Variants in PRKAG2 observed in about 807,000 individuals in gnomAD.
PRKAG2 encodes 5'-AMP-activated protein kinase subunit gamma-2.
Under a neutral mutation model 69.6 loss-of-function variants are expected in PRKAG2, and 26 were observed. That is an observed-to-expected ratio of 0.37 (90% CI 0.27 to 0.52). The LOEUF (loss-of-function observed/expected upper bound fraction) is 0.52, where lower values mean the gene tolerates loss of function less well. Among genes scored for constraint, PRKAG2 ranks in the 20% least tolerant of loss-of-function variants. The pLI is 0.90. For synonymous variants in PRKAG2, 293 were observed against 285.0 expected, an observed-to-expected ratio of 1.03 and a Z score of -0.28; for missense variants, 557 against 740.0, an observed-to-expected ratio of 0.75 and a Z score of 2.87.
intron 1 of PRKAG2, among the ~76,000 whole-genome samples, chr7:151,855,034 C>A (rs1217747110): frequency 1.8e-5 from 1 of 54,648 alleles, no homozygotes; most frequent in Non-Finnish European, 3.7e-5. Flanking sequence ...ACACCATGCT[C>A]CACACACACC....
chr7:151,793,759 G>A (rs370774998), intron 1 of PRKAG2, among the ~76,000 whole-genome samples: 288 of 152,312 alleles, frequency 1.9e-3, no homozygotes, highest in Non-Finnish European at 3.3e-3. Context: ...ACCACCAAAC[G>A]GGCAATTCTT....
At chr7:151,806,763 C>A in intron 1 of PRKAG2, 1 of 335,614 alleles carries the variant, frequency 3.0e-6, no homozygotes, top group Non-Finnish European at 5.8e-6. Flanking sequence ...CTCAGGAGCT[C>A]AAGACCAGCC....
chr7:151,656,866 G>A (rs1476245533), intron 4 of PRKAG2, among the ~76,000 whole-genome samples: 3 of 152,190 alleles, frequency 2.0e-5, no homozygotes, highest in Non-Finnish European at 4.4e-5. Flanking sequence ...GCCAGGCTCG[G>A]TGGCTCACGC....
intron 1 of PRKAG2, among the ~76,000 whole-genome samples, chr7:151,816,354 T>C (rs2078640547): frequency 6.6e-6 from 1 of 152,128 alleles, no homozygotes; most frequent in Non-Finnish European, 1.5e-5. Context: ...GTCCGTAGAA[T>C]GAGCCATGTG....
intron 4 of PRKAG2, among the ~76,000 whole-genome samples, chr7:151,645,777 C>A (rs2151380380): frequency 6.6e-6 from 1 of 152,280 alleles, no homozygotes; most frequent in Middle Eastern, 3.4e-3. Flanking sequence ...GAAATCTTTG[C>A]CTCCTCTTCT....
intron 3 of PRKAG2, among the ~76,000 whole-genome samples, chr7:151,715,635 C>T (rs7794875): frequency 0.046 from 6,993 of 152,212 alleles, 284 homozygotes; most frequent in East Asian, 0.12. Context: ...CGATTACAAG[C>T]GTGAGCCACC....
At chr7:151,829,046 C>T (rs142587250) in intron 1 of PRKAG2, among the ~76,000 whole-genome samples, 1 of 152,204 alleles carries the variant, frequency 6.6e-6, no homozygotes, top group Admixed American at 6.5e-5. Flanking sequence ...AGCAACTGGA[C>T]CTCATCAAAA....
At chr7:151,782,837 G>C (rs897744549) in intron 2 of PRKAG2, among the ~76,000 whole-genome samples, 2 of 152,200 alleles carry the variant, frequency 1.3e-5, no homozygotes, top group East Asian at 3.9e-4. Context: ...CCTACCACTT[G>C]GGAAACTTGC....
chr7:151,712,533 T>C (rs1040427938), intron 3 of PRKAG2, among the ~76,000 whole-genome samples: 1 of 152,236 alleles, frequency 6.6e-6, no homozygotes, highest in Non-Finnish European at 1.5e-5. Flanking sequence ...TCTGCTCTTG[T>C]TGGCCCTGAT....
intron 5 of PRKAG2, among the ~76,000 whole-genome samples, chr7:151,607,799 C>T (rs1409310273): frequency 3.3e-5 from 5 of 152,182 alleles, no homozygotes; most frequent in Non-Finnish European, 2.9e-5. Context: ...TTCTTTCTTC[C>T]TCAACAGTGC....
At chr7:151,822,478 A>T (rs2078810157) in intron 1 of PRKAG2, among the ~76,000 whole-genome samples, 4 of 152,218 alleles carry the variant, frequency 2.6e-5, no homozygotes, top group African/African-American at 9.7e-5. Flanking sequence ...CCTCTGAGCC[A>T]GTCTTGGGAC....
intron 2 of PRKAG2, among the ~76,000 whole-genome samples, chr7:151,784,391 A>G (rs2076894969): frequency 6.6e-6 from 1 of 152,220 alleles, no homozygotes; most frequent in Admixed American, 6.5e-5. Flanking sequence ...GCGGGGCCCC[A>G]GGAGAGCTTG....
chr7:151,619,624 A>G (rs867220601), intron 5 of PRKAG2, among the ~76,000 whole-genome samples: 1 of 152,236 alleles, frequency 6.6e-6, no homozygotes, highest in Admixed American at 6.5e-5. Flanking sequence ...CAGACTATGT[A>G]TATAAGGTAT....
intron 1 of PRKAG2, among the ~76,000 whole-genome samples, chr7:151,833,306 T>C (rs1017546184): frequency 2.0e-5 from 3 of 152,156 alleles, no homozygotes; most frequent in African/African-American, 7.2e-5. Context: ...GCAAAGGCCC[T>C]GAGGCAGGGC....
chr7:151,786,497 C>T lies in PRKAG2; in HGVS notation c.159G>A (p.Glu53=). 2 of 1,612,908 alleles carry T rather than the reference C, an allele frequency of 1.2e-6. No homozygotes were observed. Among genetic ancestry groups the T allele is most frequent in the Middle Eastern group, 1.7e-4 (1 of 6,060 alleles). Residue 53 remains glutamate, a synonymous_variant, in exon 2 of 16, where the codon GAG becomes GAA. Transcript: ENST00000287878. The part of the protein sequence containing the change: ...FAMPLLDGDL[E]GSGKHSSRKV... ...TTCGAGAGGAATGCTTTCCGGAACC[C>T]TCCAGGTCTCCGTCCAGGAGCGGCA...
chr7:151,751,806 C>T (rs918675754), intron 3 of PRKAG2, among the ~76,000 whole-genome samples: 7 of 152,204 alleles, frequency 4.6e-5, no homozygotes, highest in African/African-American at 1.7e-4. Flanking sequence ...AGCCACCTCA[C>T]CTGGCCAACT....
At position 151,566,764 on chromosome 7, in the gene PRKAG2, G is replaced by A. The variant is rs182719782; in HGVS notation, c.1234-879C>T. ...GTCATCTAGTCCATCTCAACATAGCGAATTCCCTGTTGCACACTATAGGCT... is the reference window on the plus strand; with the variant it reads ...GTCATCTAGTCCATCTCAACATAGCAAATTCCCTGTTGCACACTATAGGCT... On this transcript the variant is annotated intron_variant, in intron 11 of 15. Coordinates refer to ENST00000287878, the MANE Select transcript of PRKAG2 (RefSeq NM_016203.4). Among the ~76,000 whole-genome samples, 8 of 151,756 alleles carry A rather than the reference G, an allele frequency of 5.3e-5. 1 individual carries two copies. Among genetic ancestry groups the A allele is most frequent in the Admixed American group, 5.2e-4 (8 of 15,256 alleles).
rs1421338787 is a variant in PRKAG2 at position 151,567,122 on chromosome 7, G to A, written c.1234-1237C>T. Among the ~76,000 whole-genome samples, 1 of 152,132 alleles carries A rather than the reference G, an allele frequency of 6.6e-6. No homozygotes were observed. The highest frequency in any genetic ancestry group is 1.5e-5 in the Non-Finnish European group (1 of 68,024). On this transcript the variant is annotated intron_variant, in intron 11 of 15. Coordinates refer to ENST00000287878, the MANE Select transcript of PRKAG2 (RefSeq NM_016203.4). The surrounding 1 kb of genome is among the most constrained non-coding windows in gnomAD (Gnocchi z 4.2). Reference sequence around the variant, plus strand: ...GGCTTGGGAGTCAGAGAGACTCCCGGGTTTGCAATCTACCACTTAGTATCC... The same window carrying A: ...GGCTTGGGAGTCAGAGAGACTCCCGAGTTTGCAATCTACCACTTAGTATCC...
intron 1 of PRKAG2, among the ~76,000 whole-genome samples, chr7:151,858,001 G>A (rs6464179): frequency 0.13 from 20,341 of 152,192 alleles, 2,126 homozygotes; most frequent in African/African-American, 0.29. Flanking sequence ...GGAATGAAGC[G>A]CTCCTTTCCC....
Sources: gnomAD v4.1 joint callset for allele counts (sites outside exome capture counted in the v4.1 genomes callset) on GRCh38, gnomAD v4.1.1 for gene constraint, Gnocchi (gnomAD v3.1) non-coding constraint, MANE v1.5 for transcripts, NCBI Gene and HGNC (gene_info 2026-07-23, HGNC 2026-07-21) for gene names.